CPQ: variants seen among roughly 807,000 people sequenced by gnomAD.
The protein encoded by CPQ is Ser-Met dipeptidase.
CPQ carries 37 observed loss-of-function variants against 45.7 expected under a neutral mutation model. That is an observed-to-expected ratio of 0.81 (90% confidence interval 0.62 to 1.07). The LOEUF is 1.07. Among genes scored for constraint, CPQ ranks in the 50% least tolerant of loss-of-function variants. The pLI is 0.00. For missense variants in CPQ, 537 were observed against 572.9 expected (o/e 0.94, Z 0.64); for synonymous variants, 186 against 205.8 (o/e 0.90, Z 0.82).
chr8:97,001,826 A>C (rs568952065), intron 5 of CPQ, among the ~76,000 whole-genome samples: 5 of 149,574 alleles, frequency 3.3e-5, no homozygotes, highest in Non-Finnish European at 7.4e-5. Flanking sequence ...ATTTTTTGGA[A>C]TAGCTCCAGT....
intron 5 of CPQ, among the ~76,000 whole-genome samples, chr8:96,978,646 T>TG (rs1226143591): frequency 1.1e-4 from 17 of 152,298 alleles, no homozygotes; most frequent in African/African-American, 3.9e-4. Context: ...ATGTATGCTT[T>TG]GATTTGGCCT....
chr8:96,683,769 A>T (rs1480422147), intron 1 of CPQ, among the ~76,000 whole-genome samples: 2 of 18,772 alleles, frequency 1.1e-4, no homozygotes, highest in African/African-American at 2.0e-4. Context: ...GAGTTATTAA[A>T]AAAAAAAAAC....
intron 6 of CPQ, among the ~76,000 whole-genome samples, chr8:97,054,490 G>T (rs537121025): frequency 1.3e-5 from 2 of 152,128 alleles, no homozygotes; most frequent in East Asian, 3.8e-4. Context: ...ATCACAGCAT[G>T]GTTCACAATT....
intron 6 of CPQ, among the ~76,000 whole-genome samples, chr8:97,032,217 A>G (rs1465555172): frequency 6.6e-6 from 1 of 152,210 alleles, no homozygotes; most frequent in African/African-American, 2.4e-5. Context: ...TAACCCAGAA[A>G]TATATTCCTT....
chr8:97,030,735 C>T (rs2130471654), intron 6 of CPQ, among the ~76,000 whole-genome samples: 1 of 151,800 alleles, frequency 6.6e-6, no homozygotes, highest in Admixed American at 6.5e-5. Flanking sequence ...AAAGATCTAC[C>T]CTGACCTTAC....
chr8:96,961,641 G>A (rs1813462832), intron 4 of CPQ, among the ~76,000 whole-genome samples: 2 of 151,876 alleles, frequency 1.3e-5, no homozygotes, highest in Admixed American at 1.3e-4. Flanking sequence ...TTTCTCTGTT[G>A]CACTTAAAAC....
intron 3 of CPQ, among the ~76,000 whole-genome samples, chr8:96,874,659 C>T (rs1812122472): frequency 6.6e-6 from 1 of 151,772 alleles, no homozygotes; most frequent in African/African-American, 2.4e-5. Flanking sequence ...CATGTTGTAG[C>T]ATGTACCAAA....
rs976919635 is a variant in CPQ at position 96,810,373 on chromosome 8, G to A, written c.434-24600G>A. Among the ~76,000 whole-genome samples, 10 of 152,318 alleles carry A rather than the reference G, an allele frequency of 6.6e-5. No homozygotes were observed. The South Asian group carries it at 1.5e-3, about 22-fold the overall frequency. The stretch of plus-strand genomic sequence containing the variant: ...GATTGGGAGTGCCAAAGGGAGTGGT[G>A]AGGACATGTGAGATTGTGGAAAGAA... On this transcript the variant is annotated intron_variant, in intron 2 of 7. Transcript: ENST00000220763.
Position 96,956,979 on chromosome 8 carries a change from A to G in CPQ, c.850-8956A>G, listed in dbSNP as rs181464875. 1.7e-3 allele frequency among the ~76,000 whole-genome samples: 254 copies of G among 152,350 alleles called. 3 individuals are homozygous for G. Among genetic ancestry groups the G allele is most frequent in the Admixed American group, 0.013 (196 of 15,298 alleles). ...CTTTCAAAGTAAAGTTGGCTCCTTG[A>G]CACTCTGTCCTGCAGCTTGCGCTGA... On this transcript the variant is annotated intron_variant, in intron 4 of 7. Coordinates refer to ENST00000220763, the MANE Select transcript of CPQ (RefSeq NM_016134.4).
intron 6 of CPQ, among the ~76,000 whole-genome samples, chr8:97,042,568 T>A (rs1374926408): frequency 6.6e-6 from 1 of 151,718 alleles, no homozygotes; most frequent in Non-Finnish European, 1.5e-5. Context: ...GTTCTTTTAA[T>A]TGTGATGTTA....
At chr8:97,101,572 C>CTTTTT (rs5893410) in intron 7 of CPQ, among the ~76,000 whole-genome samples, 95 of 114,062 alleles carry the variant, frequency 8.3e-4, no homozygotes, top group Non-Finnish European at 9.2e-4. Context: ...TTTCTTTTTT[C>CTTTTT]TTTTTTTTTT....
At chr8:96,768,372 C>T (rs976523070) in intron 1 of CPQ, among the ~76,000 whole-genome samples, 3 of 151,786 alleles carry the variant, frequency 2.0e-5, no homozygotes, top group East Asian at 1.9e-4. Flanking sequence ...CTTGACGCCA[C>T]GGAGAGCTGC....
At chr8:96,690,219 A>G (rs1037265342) in intron 1 of CPQ, among the ~76,000 whole-genome samples, 85 of 151,844 alleles carry the variant, frequency 5.6e-4, no homozygotes, top group African/African-American at 1.9e-3. Flanking sequence ...TCTGTTCCCT[A>G]TTTTCTCCTT....
intron 3 of CPQ, among the ~76,000 whole-genome samples, chr8:96,849,266 T>C (rs938048324): frequency 6.6e-6 from 1 of 152,188 alleles, no homozygotes; most frequent in Non-Finnish European, 1.5e-5. Context: ...AGAACTTCCA[T>C]TTTAAGTAGG....
At position 96,835,111 on chromosome 8, in the gene CPQ, C is replaced by T. The variant is rs571560641; in HGVS notation, c.572C>T (p.Ala191Val). 24 of 1,593,292 alleles carry T rather than the reference C, an allele frequency of 1.5e-5. No homozygotes were observed. The highest frequency in any genetic ancestry group is 2.3e-5 in the East Asian group (1 of 43,188). Residue 191 changes from alanine to valine, a missense_variant, in exon 3 of 8, where the codon GCG becomes GTG. Physicochemically the swap from Ala to Val is moderately conservative, Grantham distance 64. Coordinates refer to ENST00000220763, the MANE Select transcript of CPQ (RefSeq NM_016134.4). ...ACGGTGCAATACCGAACGCAGGGGG[C>T]GGTGGAAGCTGCCAAGGTGGGGGCT... ...SRTVQYRTQG[A>V]VEAAKVGALA... is the part of the protein sequence containing the mutation.
chr8:97,008,139 T>TA (rs61156664), intron 5 of CPQ, among the ~76,000 whole-genome samples: 10 of 151,016 alleles, frequency 6.6e-5, no homozygotes, highest in South Asian at 2.1e-4. Flanking sequence ...CCTCTTTATT[T>TA]AAAAAAAAAA....
At chr8:96,668,280 A>C (rs1234623536) in intron 1 of CPQ, among the ~76,000 whole-genome samples, 3 of 152,248 alleles carry the variant, frequency 2.0e-5, no homozygotes, top group African/African-American at 7.2e-5. Flanking sequence ...ACACTGTGCA[A>C]GTTACCATAA....
chr8:97,033,525 A>G (rs1809944990), intron 6 of CPQ, among the ~76,000 whole-genome samples: 1 of 152,180 alleles, frequency 6.6e-6, no homozygotes, highest in Non-Finnish European at 1.5e-5. Context: ...TGTATGACCT[A>G]AAATATAATT....
chr8:96,808,405 T>C (rs1333993719), intron 2 of CPQ, among the ~76,000 whole-genome samples: 1 of 152,150 alleles, frequency 6.6e-6, no homozygotes, highest in Non-Finnish European at 1.5e-5. Context: ...GAAAGTCCCC[T>C]CGTCCTTGTC....
Sources: allele counts gnomAD v4.1 joint callset (sites outside exome capture counted in the v4.1 genomes callset), GRCh38; gene constraint gnomAD v4.1.1; transcripts MANE v1.5; gene names NCBI Gene and HGNC (gene_info 2026-07-23, HGNC 2026-07-21).